Variants in TBX10 observed in about 807,000 individuals in gnomAD.
The protein encoded by TBX10 is T-box transcription factor TBX10.
A neutral mutation model predicts 32.4 loss-of-function variants in TBX10; 26 were observed. The ratio of observed to expected loss-of-function variants is 0.80; its 90% CI spans 0.59 to 1.11. The LOEUF is 1.11. TBX10 is among the 50% of genes most tolerant of loss of function. TBX10 has a pLI of 0.00. For synonymous variants in TBX10, 195 were observed against 203.1 expected, an observed-to-expected ratio of 0.96 and a Z score of 0.34; for missense variants, 490 against 494.5, an observed-to-expected ratio of 0.99 and a Z score of 0.09.
At chr11:67,633,287 A>G (rs1855269323) in intron 4 of TBX10, among the ~76,000 whole-genome samples, 184 bp from the exon 5 acceptor site, 1 of 151,830 alleles carries the variant, frequency 6.6e-6, no homozygotes, top group Non-Finnish European at 1.5e-5. Flanking sequence ...TGGATCATGG[A>G]TCCTTGCCTC....
At chr11:67,636,408 T>G (rs1456748955) in intron 1 of TBX10, among the ~76,000 whole-genome samples, 1 of 151,884 alleles carries the variant, frequency 6.6e-6, no homozygotes, top group Non-Finnish European at 1.5e-5. Context: ...TCTTGTGCAC[T>G]GCTGGTGGGA....
At chr11:67,632,697 G>C in intron 5 of TBX10, 27 bp from the exon 6 acceptor site, 2 of 1,613,434 alleles carry the variant, frequency 1.2e-6, no homozygotes, top group Non-Finnish European at 1.7e-6. Context: ...GCAGTTGTGG[G>C]CTGGCCATGA....
At chr11:67,639,387 C>A in intron 1 of TBX10, 79 bp downstream of exon 1, 1 of 901,194 alleles carries the variant, frequency 1.1e-6, no homozygotes, top group Non-Finnish European at 1.9e-6. Context: ...GCGGGGCTGT[C>A]TTGGTTCCCA....
At chr11:67,633,129 C>CA in intron 4 of TBX10, 26 bp from the exon 5 acceptor site, 1 of 1,609,532 alleles carries the variant, frequency 6.2e-7, no homozygotes, top group African/African-American at 1.3e-5. Context: ...AGCAGGGGTA[C>CA]AGGGGTGAGG....
chr11:67,635,859 C>T (rs1855320799), intron 1 of TBX10, among the ~76,000 whole-genome samples: 1 of 152,108 alleles, frequency 6.6e-6, no homozygotes, highest in African/African-American at 2.4e-5. Context: ...CCGTCTTTTT[C>T]TCTGGTCTCT....
intron 1 of TBX10, 125 bp downstream of exon 1, chr11:67,639,341 C>T (rs998285381): frequency 1.4e-6 from 2 of 1,386,808 alleles, no homozygotes; most frequent in Non-Finnish European, 1.0e-6. Context: ...GCCTGGGGTG[C>T]CCCTGCCCCA....
chr11:67,632,479 A>C, intron 6 of TBX10, 67 bp from the exon 7 acceptor site: 2 of 1,582,534 alleles, frequency 1.3e-6, no homozygotes, highest in Non-Finnish European at 1.7e-6. Flanking sequence ...GATCATGGCC[A>C]GCTTCAGATG....
rs781392351 is a variant in TBX10 at position 67,635,171 on chromosome 11, G to A, written c.100C>T (p.Pro34Ser). ...SSGWEPRLGS[P>S]FPSGPCTSST... ...CTGGTGCAAGGGCCTGATGGGAATG[G>A]TGACCCCAGCCGGGGCTCCCAGCCA... The change falls in exon 2 of 8, where the codon CCA becomes TCA. Residue 34 changes from proline to serine, a missense_variant. Pro to Ser is a moderately conservative substitution (Grantham distance 74). Coordinates refer to ENST00000335385, the MANE Select transcript of TBX10 (RefSeq NM_005995.5). 1 of 1,613,860 alleles carries A rather than the reference G, an allele frequency of 6.2e-7. No individual in the cohort carries two copies. Among genetic ancestry groups the A allele is most frequent in the Non-Finnish European group, 8.5e-7 (1 of 1,180,038 alleles).
At chr11:67,632,477 C>A in intron 6 of TBX10, 65 bp from the exon 7 acceptor site, 1 of 1,588,256 alleles carries the variant, frequency 6.3e-7, no homozygotes, top group Non-Finnish European at 8.6e-7. Context: ...GGGATCATGG[C>A]CAGCTTCAGA....
chr11:67,641,217 G>A (rs191345489), upstream of TBX10, among the ~76,000 whole-genome samples: 1 of 151,870 alleles, frequency 6.6e-6, no homozygotes, highest in Non-Finnish European at 1.5e-5. Context: ...GGCTGGGATT[G>A]TAGTGGCCCC....
rs372134674 is a variant in TBX10 at position 67,631,569 on chromosome 11, C to T, written c.*36G>A. The stretch of plus-strand genomic sequence containing the variant: ...CTGATTCCCACACCCGGTGTAAGGT[C>T]CAGGGTAGCAGGGCTTCCCCCCAGG... On this transcript the variant is annotated 3_prime_UTR_variant, in exon 8 of 8. Coordinates refer to ENST00000335385, the MANE Select transcript of TBX10 (RefSeq NM_005995.5). 1.3e-5 allele frequency: 21 copies of T among 1,569,992 alleles called. No homozygotes were observed. Among genetic ancestry groups the T allele is most frequent in the African/African-American group, 4.0e-5 (3 of 74,480 alleles).
chr11:67,634,142 A>C, intron 4 of TBX10, 47 bp downstream of exon 4: 1 of 1,606,384 alleles, frequency 6.2e-7, no homozygotes, highest in Non-Finnish European at 8.5e-7. Flanking sequence ...AGTCCCTACC[A>C]GCCCTGACCC....
In TBX10 at chr11:67,634,906, G is replaced by C. The variant is rs768913248; in HGVS notation, c.287C>G (p.Pro96Arg). 6.2e-7 allele frequency: 1 copy of C among 1,613,230 alleles called. No individual in the cohort carries two copies. Among genetic ancestry groups the C allele is most frequent in the African/African-American group, 1.3e-5 (1 of 74,914 alleles). The change falls in exon 3 of 8, where the codon CCC becomes CGC. Residue 96 changes from proline (P) to arginine (R), a missense_variant. Transcript: ENST00000335385. Reference sequence around the variant, plus strand: ...GCCCAGGATCTTCACCTGGAAGGGGGGGAACATCCTCCTGCGGGAGGGAGG... The same window carrying C: ...GCCCAGGATCTTCACCTGGAAGGGGCGGAACATCCTCCTGCGGGAGGGAGG... ...IVTKAGRRMF[P>R]PFQVKILGMD... is the part of the protein sequence containing the mutation.
chr11:67,634,468 T>C, intron 3 of TBX10, 108 bp from the exon 4 acceptor site: 2 of 1,324,702 alleles, frequency 1.5e-6, no homozygotes, highest in Non-Finnish European at 1.0e-6. Flanking sequence ...TCACCCCACC[T>C]GGTGGGCACC....
At chr11:67,632,219 G>A (rs1404871763) in intron 7 of TBX10, 99 bp downstream of exon 7, 22 of 1,385,086 alleles carry the variant, frequency 1.6e-5, no homozygotes, top group South Asian at 2.3e-5. Context: ...CTGTGGGTTC[G>A]CTGAGCTGCT....
chr11:67,634,778 C>T, intron 3 of TBX10, 38 bp downstream of exon 3: 1 of 1,603,034 alleles, frequency 6.2e-7, no homozygotes, highest in Non-Finnish European at 8.5e-7. Flanking sequence ...GTCTCAGCAC[C>T]TGAGACCTGA....
intron 1 of TBX10, among the ~76,000 whole-genome samples, chr11:67,635,905 A>G (rs1348791702): frequency 6.6e-6 from 1 of 152,060 alleles, no homozygotes; most frequent in Non-Finnish European, 1.5e-5. Context: ...TTTGATCTGC[A>G]ATCCCGGCAC....
rs1431701246 is a variant in TBX10 at position 67,632,665 on chromosome 11, G to A, written c.711C>T (p.Thr237=). The change falls in exon 6 of 8, where the codon ACC becomes ACT. Residue 237 remains threonine, a synonymous_variant. Transcript: ENST00000335385. ...AAGGGTTGCTGGCGATTTTCAGCTG[G>A]GTGATCTGCAGGAGACAAAGTGCAG... ...AVTAYQNHRI[T]QLKIASNPFA... The A allele has an allele frequency of 5.0e-6, 8 of 1,613,894 alleles. No individual in the cohort carries two copies. In the South Asian group the frequency reaches 8.8e-5, roughly 18 times the overall value.
At chr11:67,637,012 A>C (rs12282344) in intron 1 of TBX10, among the ~76,000 whole-genome samples, 2,808 of 152,312 alleles carry the variant, frequency 0.018, 88 homozygotes, top group African/African-American at 0.064. Flanking sequence ...CTTAACAGGG[A>C]AGAACATTCT....
Sources: allele counts gnomAD v4.1 joint callset (sites outside exome capture counted in the v4.1 genomes callset), GRCh38; gene constraint gnomAD v4.1.1; transcripts MANE v1.5; gene names NCBI Gene and HGNC (gene_info 2026-07-23, HGNC 2026-07-21).